MICAL3: variants seen among roughly 807,000 people sequenced by gnomAD.
The protein encoded by MICAL3 is microtubule associated monooxygenase, calponin and LIM domain containing 3.
MICAL3 carries 62 observed loss-of-function variants against 207.4 expected under a neutral mutation model. The ratio of observed to expected loss-of-function variants is 0.30; its 90% CI spans 0.24 to 0.37. MICAL3 has a LOEUF of 0.37. Among genes scored for constraint, MICAL3 ranks in the 10% least tolerant of loss-of-function variants. MICAL3 has a pLI of 1.00. For synonymous variants in MICAL3, 1,077 were observed against 1,069.3 expected, an observed-to-expected ratio of 1.01 and a Z score of -0.14; for missense variants, 2,368 against 2,635.6, an observed-to-expected ratio of 0.90 and a Z score of 2.22.
In MICAL3 at chr22:17,818,667, C is replaced by A. The variant is rs1289121545; in HGVS notation, c.3994G>T (p.Ala1332Ser). 3 of 1,613,716 alleles carry A rather than the reference C, an allele frequency of 1.9e-6. No individual in the cohort carries two copies. The Admixed American group carries it at 5.0e-5, about 27-fold the overall frequency. ...DLVEEFWMKSAEIRRSLGLTP... is the reference protein window; with the variant it reads ...DLVEEFWMKSSEIRRSLGLTP... ...AGCCCGAGGCTGCGGCGGATCTCCGCACTCTTCATCCAGAACTCCTCCACC... is the reference window on the plus strand; with the variant it reads ...AGCCCGAGGCTGCGGCGGATCTCCGAACTCTTCATCCAGAACTCCTCCACC... The change falls in exon 26 of 32, where the codon GCG becomes TCG. Residue 1332 changes from alanine to serine, a missense_variant. Around this residue, in one of 4 missense-constraint regions of MICAL3, gnomAD observed 1,770 missense variants for 1,863.2 expected, o/e 0.95. Transcript: ENST00000441493.
chr22:17,978,366 T>A (rs984082354), intron 1 of MICAL3, among the ~76,000 whole-genome samples: 3 of 152,188 alleles, frequency 2.0e-5, no homozygotes, highest in Non-Finnish European at 2.9e-5. Flanking sequence ...AGATGAGTAG[T>A]TGGCCATGGC....
At position 17,789,268 on chromosome 22, in the gene MICAL3, G is replaced by A. The variant is rs888944292; in HGVS notation, c.*1464C>T. 3.3e-5 allele frequency: 5 copies of A among 152,266 alleles called. No homozygotes were observed. The highest frequency in any genetic ancestry group is 7.3e-5 in the Non-Finnish European group (5 of 68,072). 9.4% of individuals were successfully genotyped at this position (152,266 alleles called of 1,614,324 possible). A position where few individuals can be genotyped will look rare whatever the true frequency, so the allele number is the denominator to read the frequency against. ...ACTGCAGCACTCGCGTTTCCGTCTG[G>A]GTGAATCTTAGGCTGGGAGGAGGGA... On this transcript the variant is annotated 3_prime_UTR_variant, in exon 32 of 32. Coordinates refer to ENST00000441493, the MANE Select transcript of MICAL3 (RefSeq NM_015241.3).
chr22:17,811,141 A>C, intron 27 of MICAL3: 2 of 219,690 alleles, frequency 9.1e-6, no homozygotes, highest in African/African-American at 4.5e-5. Flanking sequence ...TAAAACAATA[A>C]AGGGACACAC....
chr22:17,900,802 T>C lies in MICAL3; in HGVS notation c.847+40A>G, dbSNP rs1391204936. The C allele has an allele frequency of 1.9e-6, 3 of 1,603,510 alleles. No individual in the cohort carries two copies. In the Admixed American group the frequency reaches 5.1e-5, roughly 27 times the overall value. Reference sequence around the variant, plus strand: ...CAAGAAAAAGCCACCAGGGACTATTTAAGTTTCTATCCTAGGGCTCCGGAG... The same window carrying C: ...CAAGAAAAAGCCACCAGGGACTATTCAAGTTTCTATCCTAGGGCTCCGGAG... On this transcript the variant is annotated intron_variant, in intron 6 of 31. Coordinates refer to ENST00000441493, the MANE Select transcript of MICAL3 (RefSeq NM_015241.3). The surrounding 1 kb of genome is among the most constrained non-coding windows in gnomAD (Gnocchi z 4.0).
intron 26 of MICAL3, among the ~76,000 whole-genome samples, chr22:17,817,042 C>A (rs539324875): frequency 6.6e-6 from 1 of 152,148 alleles, no homozygotes; most frequent in East Asian, 1.9e-4. Flanking sequence ...GCCCTGTGCA[C>A]GAGTGGGCCC....
At chr22:17,883,213 AT>A (rs913882429) in intron 16 of MICAL3, among the ~76,000 whole-genome samples, 19 of 152,166 alleles carry the variant, frequency 1.2e-4, no homozygotes, top group African/African-American at 3.4e-4. Flanking sequence ...TTCCAATTAC[AT>A]TTTTCAGAAG....
At position 17,879,511 on chromosome 22, in the gene MICAL3, G is replaced by A. The variant is rs571428461; in HGVS notation, c.2241+6367C>T. On this transcript the variant is annotated intron_variant, in intron 16 of 31. Transcript: ENST00000441493. ...AGAAATGCAGAGTTCAACACATATC[G>A]CCTTCCCCTACTAACCCCATCCCCA... The A allele has an allele frequency of 8.7e-5, 70 of 805,216 alleles. No individual in the cohort carries two copies. In the Middle Eastern group the frequency reaches 1.2e-3, roughly 14 times the overall value. The allele number at this position is 805,216 out of a possible 1,614,324, so 49.9% of individuals were successfully genotyped here.
At chr22:17,834,741 G>T (rs1037599313) in intron 20 of MICAL3, among the ~76,000 whole-genome samples, 1 of 152,148 alleles carries the variant, frequency 6.6e-6, no homozygotes. Flanking sequence ...CTGGATTTTG[G>T]TTATTTTTCA....
At chr22:17,912,885 G>A (rs73388418) in intron 1 of MICAL3, among the ~76,000 whole-genome samples, 5,650 of 152,280 alleles carry the variant, frequency 0.037, 366 homozygotes, top group African/African-American at 0.13. Context: ...GCAAAAGTGG[G>A]CATCTTTGTC....
At chr22:17,916,663 G>A (rs1042715552) in intron 1 of MICAL3, among the ~76,000 whole-genome samples, 6 of 151,932 alleles carry the variant, frequency 3.9e-5, no homozygotes, top group African/African-American at 7.3e-5. Context: ...GCTCACTACC[G>A]TCTGCCCCCC....
chr22:17,912,320 G>A (rs559228269), intron 1 of MICAL3, among the ~76,000 whole-genome samples: 1 of 151,554 alleles, frequency 6.6e-6, no homozygotes, highest in African/African-American at 2.4e-5. Flanking sequence ...GCTATTCAGG[G>A]TCCCTTGAGA....
At chr22:17,987,138 G>C (rs907115504) in intron 1 of MICAL3, among the ~76,000 whole-genome samples, 12 of 152,128 alleles carry the variant, frequency 7.9e-5, no homozygotes. Flanking sequence ...CTACTCAGGA[G>C]ACTGAAGAAG....
chr22:17,940,186 G>C (rs1033096627), intron 1 of MICAL3, among the ~76,000 whole-genome samples: 2 of 152,232 alleles, frequency 1.3e-5, no homozygotes, highest in Non-Finnish European at 2.9e-5. Flanking sequence ...GGGCCAGTTG[G>C]ATACAACTTC....
At chr22:17,842,878 TG>T (rs1053979747) in intron 19 of MICAL3, among the ~76,000 whole-genome samples, 5 of 152,232 alleles carry the variant, frequency 3.3e-5, no homozygotes, top group African/African-American at 1.2e-4. Context: ...TCCCAGCACT[TG>T]GGGAGGCCGA....
intron 16 of MICAL3, among the ~76,000 whole-genome samples, chr22:17,877,057 AGGTTATGGAGGTTAGG>A: frequency 6.9e-6 from 1 of 144,578 alleles, no homozygotes; most frequent in African/African-American, 2.6e-5. Flanking sequence ...GAGGTTAGGG[AGGTTATGGAGGTTAGG>A]GAAGTTATGG....
At chr22:17,982,029 T>C (rs912358858) in intron 1 of MICAL3, among the ~76,000 whole-genome samples, 1 of 151,812 alleles carries the variant, frequency 6.6e-6, no homozygotes, top group Non-Finnish European at 1.5e-5. Context: ...CGCCTGAGCC[T>C]GGGAAGTCGA....
At chr22:17,810,905 TC>T (rs2062041328) in intron 27 of MICAL3, 92 bp from the exon 28 acceptor site, 3 of 977,220 alleles carry the variant, frequency 3.1e-6, no homozygotes, top group Admixed American at 1.9e-5. Flanking sequence ...GAGAGGTCTG[TC>T]CCCCATGTCG....
intron 1 of MICAL3, among the ~76,000 whole-genome samples, chr22:17,947,137 A>T (rs1173467252): frequency 6.6e-6 from 1 of 152,240 alleles, no homozygotes; most frequent in Non-Finnish European, 1.5e-5. Flanking sequence ...GCAAGGCCAC[A>T]TGGCTGGATT....
At chr22:17,873,790 G>A (rs551182398) in intron 16 of MICAL3, among the ~76,000 whole-genome samples, 58 of 152,334 alleles carry the variant, frequency 3.8e-4, no homozygotes, top group Admixed American at 3.5e-3. Context: ...AGGCAGCCCC[G>A]CCTTGACCTG....
Sources: allele counts gnomAD v4.1 joint callset (sites outside exome capture counted in the v4.1 genomes callset), GRCh38; gene constraint gnomAD v4.1.1; regional missense constraint gnomAD v4.1.1; non-coding constraint Gnocchi (gnomAD v3.1); transcripts MANE v1.5; gene names NCBI Gene and HGNC (gene_info 2026-07-23, HGNC 2026-07-21).